Variants in ROBO1 observed in about 807,000 individuals in gnomAD.
The protein encoded by ROBO1 is roundabout guidance receptor 1.
ROBO1 carries 149 observed loss-of-function variants against 195.9 expected under a neutral mutation model. The ratio of observed to expected loss-of-function variants is 0.76; its 90% confidence interval spans 0.67 to 0.87. The LOEUF is 0.87. ROBO1 is among the 40% of genes least tolerant of loss of function. The pLI is 0.00. For missense variants in ROBO1, 1,933 were observed against 2,068.3 expected, an observed-to-expected ratio of 0.93 and a Z score of 1.27; for synonymous variants, 816 against 733.2, an observed-to-expected ratio of 1.11 and a Z score of -1.82.
At chr3:79,053,094 C>T (rs1451200862) in intron 3 of ROBO1, among the ~76,000 whole-genome samples, 2 of 152,082 alleles carry the variant, frequency 1.3e-5, no homozygotes, top group African/African-American at 4.8e-5. Context: ...ATTCTGGGAA[C>T]TGGTCTCCAA....
At chr3:79,310,059 A>G (rs2033407127) in intron 2 of ROBO1, among the ~76,000 whole-genome samples, 2 of 152,102 alleles carry the variant, frequency 1.3e-5, no homozygotes, top group Non-Finnish European at 2.9e-5. Context: ...GCACACCAGG[A>G]CCCAAACAGG....
intron 8 of ROBO1, among the ~76,000 whole-genome samples, chr3:78,699,395 C>CAAAAAAAAAA (rs60574193): frequency 4.6e-3 from 377 of 81,646 alleles, no homozygotes; most frequent in Non-Finnish European, 6.3e-3. Context: ...ACTAAAAATA[C>CAAAAAAAAAA]AAAAAAAAAA....
intron 21 of ROBO1, 59 bp from the exon 22 acceptor site, chr3:78,639,957 T>C: frequency 1.5e-6 from 2 of 1,337,988 alleles, no homozygotes; most frequent in Non-Finnish European, 2.0e-6. Flanking sequence ...ATATTTTCTA[T>C]TTAAAATTCC....
chr3:79,485,515 T>C (rs1177579754), intron 2 of ROBO1, among the ~76,000 whole-genome samples: 1 of 152,184 alleles, frequency 6.6e-6, no homozygotes, highest in Non-Finnish European at 1.5e-5. Context: ...ATACAAAATT[T>C]AGTGTTCACT....
At chr3:78,785,213 C>T (rs1576160840) in intron 4 of ROBO1, among the ~76,000 whole-genome samples, 1 of 152,204 alleles carries the variant, frequency 6.6e-6, no homozygotes, top group Non-Finnish European at 1.5e-5. Flanking sequence ...TTGCAGTGAA[C>T]TCACTCTTAA....
At chr3:79,018,042 G>A (rs2077995715) in intron 3 of ROBO1, among the ~76,000 whole-genome samples, 1 of 152,174 alleles carries the variant, frequency 6.6e-6, no homozygotes, top group African/African-American at 2.4e-5. Flanking sequence ...GCCGGCGGCT[G>A]ATACTCACTT....
rs2039961164 is a variant in ROBO1 at position 78,938,761 on chromosome 3, A to G, written c.339T>C (p.Asp113=). 4 of 1,613,984 alleles carry G rather than the reference A, an allele frequency of 2.5e-6. No homozygotes were observed. Among genetic ancestry groups the G allele is most frequent in the Non-Finnish European group, 3.4e-6 (4 of 1,179,896 alleles). ...KGGERVETDK[D]DPRSHRMLLP... is the part of the protein sequence containing the mutation. Reference sequence around the variant, plus strand: ...GCAACATTCGGTGTGAGCGAGGGTCATCTTTGTCTGTCTCCACTCTCTCTC... The same window carrying G: ...GCAACATTCGGTGTGAGCGAGGGTCGTCTTTGTCTGTCTCCACTCTCTCTC... The change falls in exon 4 of 31, where the codon GAT becomes GAC. Residue 113 remains aspartate, a synonymous_variant. Coordinates refer to ENST00000464233, the MANE Select transcript of ROBO1 (RefSeq NM_002941.4).
In ROBO1 at chr3:78,789,690, G is replaced by C. The variant is rs148281228; in HGVS notation, c.500-42790C>G. Among the ~76,000 whole-genome samples, 626 of 152,150 alleles carry C rather than the reference G, an allele frequency of 4.1e-3. 4 individuals are homozygous for C. Among genetic ancestry groups the C allele is most frequent in the African/African-American group, 0.014 (582 of 41,494 alleles). Reference sequence around the variant, plus strand: ...AAATCTGGTTAACTTGAGAGAACACGGGGCGACTCTCACTGCTTCAGTTTT... The same window carrying C: ...AAATCTGGTTAACTTGAGAGAACACCGGGCGACTCTCACTGCTTCAGTTTT... On this transcript the variant is annotated intron_variant, in intron 4 of 30. Transcript: ENST00000464233.
At chr3:79,562,684 A>G (rs1942963109) in intron 2 of ROBO1, among the ~76,000 whole-genome samples, 1 of 152,090 alleles carries the variant, frequency 6.6e-6, no homozygotes, top group African/African-American at 2.4e-5. Flanking sequence ...CATAAAATCA[A>G]AACAACAACC....
At chr3:79,646,073 C>A (rs150927576) in intron 1 of ROBO1, among the ~76,000 whole-genome samples, 97 of 152,110 alleles carry the variant, frequency 6.4e-4, no homozygotes, top group African/African-American at 2.2e-3. Context: ...AGCAAAGATA[C>A]ACGAATGGCA....
At chr3:79,304,845 C>A (rs903681593) in intron 2 of ROBO1, among the ~76,000 whole-genome samples, 2 of 152,090 alleles carry the variant, frequency 1.3e-5, no homozygotes, top group Non-Finnish European at 1.5e-5. Context: ...TGTAAACATT[C>A]TTTATATGGA....
chr3:79,528,606 G>A (rs1941529334), intron 2 of ROBO1, among the ~76,000 whole-genome samples: 1 of 152,068 alleles, frequency 6.6e-6, no homozygotes, highest in African/African-American at 2.4e-5. Context: ...GCTTACTAGT[G>A]TCTGTGCAAT....
At chr3:78,797,857 A>T (rs1479155101) in intron 4 of ROBO1, among the ~76,000 whole-genome samples, 1 of 152,234 alleles carries the variant, frequency 6.6e-6, no homozygotes, top group Admixed American at 6.5e-5. Flanking sequence ...ATCTGGGATG[A>T]TATTACAAAA....
chr3:79,455,948 T>C (rs889202121), intron 2 of ROBO1, among the ~76,000 whole-genome samples: 2 of 152,184 alleles, frequency 1.3e-5, no homozygotes, highest in Non-Finnish European at 2.9e-5. Context: ...CGAGTAGCTC[T>C]ACATTTACCT....
intron 2 of ROBO1, among the ~76,000 whole-genome samples, chr3:79,381,372 A>G (rs1248131796): frequency 4.4e-5 from 6 of 136,214 alleles, no homozygotes; most frequent in Non-Finnish European, 8.0e-5. Flanking sequence ...AAAAAAAAAA[A>G]AAAAAGAAAA....
chr3:78,700,425 G>A, intron 8 of ROBO1, among the ~76,000 whole-genome samples: 1 of 152,082 alleles, frequency 6.6e-6, no homozygotes, highest in Non-Finnish European at 1.5e-5. Flanking sequence ...TTTCATGGAG[G>A]GTCCAGAGTT....
At chr3:79,386,553 G>A (rs997712790) in intron 2 of ROBO1, among the ~76,000 whole-genome samples, 3 of 152,098 alleles carry the variant, frequency 2.0e-5, no homozygotes, top group Non-Finnish European at 4.4e-5. Context: ...AGATGACTGA[G>A]GGATGCTTGT....
chr3:78,801,941 T>C (rs1028376531), intron 4 of ROBO1, among the ~76,000 whole-genome samples: 2 of 152,132 alleles, frequency 1.3e-5, no homozygotes, highest in Admixed American at 6.5e-5. Context: ...AATCAATGTA[T>C]TTGCTTTTTA....
At chr3:78,661,660 T>C (rs1013529071) in intron 15 of ROBO1, among the ~76,000 whole-genome samples, 18 of 152,244 alleles carry the variant, frequency 1.2e-4, no homozygotes, top group Admixed American at 1.2e-3. Flanking sequence ...TTTCTGATTT[T>C]AAAAGCCTAC....
Sources: allele counts gnomAD v4.1 joint callset (sites outside exome capture counted in the v4.1 genomes callset), GRCh38; gene constraint gnomAD v4.1.1; transcripts MANE v1.5; gene names NCBI Gene and HGNC (gene_info 2026-07-23, HGNC 2026-07-21).